The following TRPM6 variants were observed in gnomAD, a reference collection of about 807,000 sequenced individuals.
TRPM6 encodes transient receptor potential cation channel subfamily M member 6, also known as channel kinase 2.
Under a neutral mutation model 247.6 loss-of-function variants are expected in TRPM6, and 111 were observed. That is an observed-to-expected ratio of 0.45 (90% confidence interval 0.38 to 0.52). The LOEUF is 0.52. Among genes scored for constraint, TRPM6 ranks in the 20% least tolerant of loss-of-function variants. The pLI, the probability that TRPM6 is intolerant of heterozygous loss-of-function variation, is 0.00. For missense variants in TRPM6, 2,126 were observed against 2,421.5 expected, an observed-to-expected ratio of 0.88 and a Z score of 2.56; for synonymous variants, 892 against 853.8, an observed-to-expected ratio of 1.04 and a Z score of -0.78.
Position 74,842,323 on chromosome 9 carries a change from AT to A in TRPM6, c.172del (p.Ile58LeufsTer7), listed in dbSNP as rs1829970366. 2 of 1,614,020 alleles carry A rather than the reference AT, an allele frequency of 1.2e-6. No homozygotes were observed. The highest frequency in any genetic ancestry group is 8.5e-7 in the Non-Finnish European group (1 of 1,180,020). ...ATAATCTATCCCAGCATGGTCTCCA[AT>A]CAGTCGGCCACAGTAACACCTTAAA... ...NLIRCYCGRL[I>X]GDHAGIDYSW... On this transcript the variant is annotated frameshift_variant, in exon 4 of 39. Coordinates refer to ENST00000360774, the MANE Select transcript of TRPM6 (RefSeq NM_017662.5). LOFTEE classifies it high-confidence loss of function.
chr9:74,758,289 T>A (rs1406334622), intron 27 of TRPM6, among the ~76,000 whole-genome samples: 2 of 152,006 alleles, frequency 1.3e-5, no homozygotes, highest in African/African-American at 4.8e-5. Flanking sequence ...AAACCAAGCA[T>A]CATCCTGATA....
intron 24 of TRPM6, among the ~76,000 whole-genome samples, chr9:74,774,029 G>T (rs1424570774): frequency 4.6e-5 from 7 of 152,162 alleles, no homozygotes; most frequent in African/African-American, 1.7e-4. Flanking sequence ...TAATTCCAAT[G>T]ACAGGCGCAG....
At chr9:74,787,089 C>T (rs1002085732) in intron 20 of TRPM6, among the ~76,000 whole-genome samples, 1 of 152,122 alleles carries the variant, frequency 6.6e-6, no homozygotes, top group East Asian at 1.9e-4. Flanking sequence ...AATCCCGACA[C>T]TTTGGGAGGC....
intron 1 of TRPM6, among the ~76,000 whole-genome samples, chr9:74,885,201 T>C (rs1831495027): frequency 6.6e-6 from 1 of 152,192 alleles, no homozygotes; most frequent in African/African-American, 2.4e-5. Context: ...AATGTTGACC[T>C]AACTAAATAT....
chr9:74,842,462 G>C lies in TRPM6; in HGVS notation c.153-119C>G, dbSNP rs1043038169. The C allele has an allele frequency of 4.8e-6, 5 of 1,047,134 alleles. No homozygotes were observed. In the African/African-American group the frequency reaches 8.0e-5, roughly 17 times the overall value. 64.9% of individuals were successfully genotyped at this position (1,047,134 alleles called of 1,614,324 possible). ...ACTATTTCTTAAAACTTCACATTAAGGTTTATATTAAATTTCTAACATAGG... is the reference window on the plus strand; with the variant it reads ...ACTATTTCTTAAAACTTCACATTAACGTTTATATTAAATTTCTAACATAGG... On this transcript the variant is annotated intron_variant, in intron 3 of 38. Transcript: ENST00000360774.
chr9:74,806,992 T>C (rs1017904563), intron 14 of TRPM6, among the ~76,000 whole-genome samples: 16 of 152,320 alleles, frequency 1.1e-4, no homozygotes, highest in African/African-American at 3.6e-4. Context: ...TCCTCCTACT[T>C]GTCACTGGGA....
At chr9:74,825,098 A>T (rs1408808416) in intron 7 of TRPM6, among the ~76,000 whole-genome samples, 1 of 152,080 alleles carries the variant, frequency 6.6e-6, no homozygotes, top group Non-Finnish European at 1.5e-5. Context: ...TGTCACTATC[A>T]AAAATAGAAA....
chr9:74,863,807 C>T (rs1327318321), intron 1 of TRPM6, among the ~76,000 whole-genome samples: 1 of 151,642 alleles, frequency 6.6e-6, no homozygotes, highest in African/African-American at 2.4e-5. Flanking sequence ...AGGGTGGTCT[C>T]GAACTCCTGA....
intron 18 of TRPM6, among the ~76,000 whole-genome samples, chr9:74,793,222 T>C (rs1827970307): frequency 6.6e-6 from 1 of 152,182 alleles, no homozygotes; most frequent in African/African-American, 2.4e-5. Flanking sequence ...GAGAGAAAAC[T>C]GCATGTACTG....
intron 17 of TRPM6, among the ~76,000 whole-genome samples, chr9:74,799,679 G>T: frequency 6.6e-6 from 1 of 151,944 alleles, no homozygotes; most frequent in Admixed American, 6.6e-5. Flanking sequence ...TACTTTTGTT[G>T]TAATTATTGG....
In TRPM6 at chr9:74,827,759, G is replaced by A. The variant is rs368111972; in HGVS notation, c.841+19C>T. The A allele has an allele frequency of 3.1e-5, 50 of 1,613,780 alleles. No individual in the cohort carries two copies. In the African/African-American group the frequency reaches 4.3e-4, roughly 14 times the overall value. On this transcript the variant is annotated intron_variant, in intron 7 of 38. Transcript: ENST00000360774. ...AGGCCTGCAACCAGACTGGGTGACT[G>A]AGCCCCTGTGATACTCACGGCAGTG...
intron 9 of TRPM6, among the ~76,000 whole-genome samples, chr9:74,818,464 G>A (rs927629204): frequency 2.0e-5 from 3 of 151,862 alleles, no homozygotes; most frequent in African/African-American, 7.3e-5. Context: ...CACTATGCCT[G>A]GCTAATTTTT....
At chr9:74,749,990 C>T (rs959320116) in intron 30 of TRPM6, among the ~76,000 whole-genome samples, 3 of 152,190 alleles carry the variant, frequency 2.0e-5, no homozygotes, top group Non-Finnish European at 4.4e-5. Flanking sequence ...GATGATGCAA[C>T]TAGGAAAGTC....
At chr9:74,833,042 C>T (rs1488730872) in intron 6 of TRPM6, among the ~76,000 whole-genome samples, 2 of 150,656 alleles carry the variant, frequency 1.3e-5, no homozygotes, top group Admixed American at 6.6e-5. Context: ...GAGAGCGAGA[C>T]TCCGTCTCAG....
intron 38 of TRPM6, 24 bp from the exon 39 acceptor site, chr9:74,724,770 G>T (rs1417132291): frequency 1.8e-5 from 29 of 1,613,912 alleles, no homozygotes; most frequent in Non-Finnish European, 2.3e-5. Flanking sequence ...AAGTAAAAAG[G>T]TTATAGTGGA....
intron 1 of TRPM6, among the ~76,000 whole-genome samples, chr9:74,876,956 A>G (rs1831208994): frequency 1.3e-5 from 2 of 152,230 alleles, no homozygotes; most frequent in South Asian, 4.1e-4. Flanking sequence ...ATAGTTCTCC[A>G]AAGAACAAAT....
intron 21 of TRPM6, 114 bp from the exon 22 acceptor site, chr9:74,782,967 T>A (rs2118929448): frequency 1.0e-6 from 1 of 1,001,046 alleles, no homozygotes; most frequent in Non-Finnish European, 1.6e-6. Context: ...GTCTAGTCAT[T>A]GACTAAAACA....
At chr9:74,833,139 A>T (rs995450376) in intron 6 of TRPM6, among the ~76,000 whole-genome samples, 25 of 152,146 alleles carry the variant, frequency 1.6e-4, no homozygotes, top group Non-Finnish European at 1.5e-4. Context: ...AGGTAAGCTG[A>T]AAAAAAGCAC....
At position 74,786,015 on chromosome 9, in the gene TRPM6, G is replaced by T. The variant is rs745809598; in HGVS notation, c.2778C>A (p.Val926=). 3.7e-6 allele frequency: 6 copies of T among 1,614,208 alleles called. No homozygotes were observed. The highest frequency in any genetic ancestry group is 5.1e-6 in the Non-Finnish European group (6 of 1,180,042). ...VAIGLFSAGF[V]LRWGDPPFHT... ...GAAAAGGAGGGTCACCCCATCGAAG[G>T]ACGAAGCCAGCTGAAAACAGGCCAA... Residue 926 remains valine, a synonymous_variant, in exon 21 of 39, where the codon GTC becomes GTA. Coordinates refer to ENST00000360774, the MANE Select transcript of TRPM6 (RefSeq NM_017662.5).
Sources: gnomAD v4.1 joint callset for allele counts (sites outside exome capture counted in the v4.1 genomes callset) on GRCh38, gnomAD v4.1.1 for gene constraint, MANE v1.5 for transcripts, NCBI Gene and HGNC (gene_info 2026-07-23, HGNC 2026-07-21) for gene names.